Variants in BAZ1A observed in about 807,000 individuals in gnomAD.
The protein encoded by BAZ1A is bromodomain adjacent to zinc finger domain protein 1A.
Under a neutral mutation model 185.2 loss-of-function variants are expected in BAZ1A, and 50 were observed. That is an observed-to-expected ratio of 0.27 (90% confidence interval 0.22 to 0.34). The LOEUF is 0.34. Among genes scored for constraint, BAZ1A ranks in the 10% least tolerant of loss-of-function variants. The pLI is 1.00. For missense variants in BAZ1A, 1,356 were observed against 1,839.9 expected (o/e 0.74, Z 4.81); for synonymous variants, 571 against 615.6 (o/e 0.93, Z 1.07).
intron 7 of BAZ1A, 66 bp downstream of exon 7, chr14:34,802,788 A>G: frequency 6.6e-7 from 1 of 1,507,454 alleles, no homozygotes; most frequent in South Asian, 1.2e-5. Context: ...AGACAAACAT[A>G]CTTCTTGATT....
intron 4 of BAZ1A, among the ~76,000 whole-genome samples, chr14:34,819,488 C>T (rs2042055371): frequency 6.6e-6 from 1 of 152,184 alleles, no homozygotes; most frequent in South Asian, 2.1e-4. Flanking sequence ...TGTATATAGG[C>T]ATATACCCAT....
Position 34,764,701 on chromosome 14 carries a change from A to C in BAZ1A, c.3776+6T>G, listed in dbSNP as rs1434109713. 1 of 1,593,916 alleles carries C rather than the reference A, an allele frequency of 6.3e-7. No homozygotes were observed. The highest frequency in any genetic ancestry group is 8.6e-7 in the Non-Finnish European group (1 of 1,169,010). On this transcript the variant is annotated splice_donor_region_variant and intron_variant, in intron 23 of 26. Transcript: ENST00000360310. The stretch of plus-strand genomic sequence containing the variant: ...CTGACTCATTTTATTGCATGTTAGG[A>C]CTTACCTGACTTCTTCCTCTTCTTG...
intron 21 of BAZ1A, among the ~76,000 whole-genome samples, chr14:34,766,512 A>AAAGCCAGGACC (rs1167011271): frequency 6.9e-4 from 105 of 152,224 alleles, no homozygotes; most frequent in African/African-American, 2.3e-3. Context: ...CCCTCTCTAA[A>AAAGCCAGGACC]AAGCCAGGAC....
chr14:34,856,371 G>A (rs1166458581), intron 3 of BAZ1A, among the ~76,000 whole-genome samples: 1 of 116,888 alleles, frequency 8.6e-6, no homozygotes, highest in East Asian at 2.2e-4. Flanking sequence ...CTGCAGCCTA[G>A]AATTCCTGGG....
rs1460127033 is a variant in BAZ1A at position 34,866,314 on chromosome 14, T to C, written c.114-3992A>G. Reference sequence around the variant, plus strand: ...GCCTGGGTGACACGGCAAAACCCAGTCTCTACTAAAAACGGAAAAATTAGC... The same window carrying C: ...GCCTGGGTGACACGGCAAAACCCAGCCTCTACTAAAAACGGAAAAATTAGC... On this transcript the variant is annotated intron_variant, in intron 2 of 26. Coordinates refer to ENST00000360310, the MANE Select transcript of BAZ1A (RefSeq NM_013448.3). Among the ~76,000 whole-genome samples the C allele has an allele frequency of 2.0e-5, 3 of 150,128 alleles. No individual in the cohort carries two copies. In the East Asian group the frequency reaches 5.9e-4, roughly 30 times the overall value.
Position 34,774,281 on chromosome 14 carries a change from T to C in BAZ1A, c.2997+46A>G, listed in dbSNP as rs368829951. On this transcript the variant is annotated intron_variant, in intron 19 of 26. Transcript: ENST00000360310. ...TAATTAACAAATATGACCAAAATTC[T>C]GGACCAAGTAGATTAGACAAACTAA... 2.4e-5 allele frequency: 37 copies of C among 1,534,364 alleles called. No homozygotes were observed. In the African/African-American group the frequency reaches 4.4e-4, roughly 18 times the overall value.
intron 21 of BAZ1A, among the ~76,000 whole-genome samples, chr14:34,767,880 A>C (rs1232675810): frequency 6.6e-6 from 1 of 152,174 alleles, no homozygotes; most frequent in African/African-American, 2.4e-5. Flanking sequence ...TTTAATGCAA[A>C]GGTTGGTGAA....
At chr14:34,832,554 G>A (rs1192410847) in intron 3 of BAZ1A, among the ~76,000 whole-genome samples, 2 of 151,518 alleles carry the variant, frequency 1.3e-5, no homozygotes, top group Non-Finnish European at 2.9e-5. Flanking sequence ...CATGAAAGAT[G>A]CTCAGCATCA....
In BAZ1A at chr14:34,776,266, T is replaced by A. The variant is rs761032433; in HGVS notation, c.2486A>T (p.Tyr829Phe). ...SIPGLFIEED[Y>F]SGLTEDMLLP... Reference sequence around the variant, plus strand: ...CAGCATGTCTTCAGTAAGACCAGAATAATCCTCTTCAATAAAGAGTCCAGG... The same window carrying A: ...CAGCATGTCTTCAGTAAGACCAGAAAAATCCTCTTCAATAAAGAGTCCAGG... The change falls in exon 18 of 27, where the codon TAT (tyrosine) becomes TTT (phenylalanine). Residue 829 changes from tyrosine to phenylalanine, a missense_variant. Physicochemically the swap from Tyr to Phe is conservative, Grantham distance 22. This residue lies in a region of BAZ1A where 434 missense variants were observed against 561.7 expected (regional missense o/e 0.77). Transcript: ENST00000360310. 7 of 1,613,642 alleles carry A rather than the reference T, an allele frequency of 4.3e-6. No homozygotes were observed. In the African/African-American group the frequency reaches 9.3e-5, roughly 22 times the overall value.
At chr14:34,807,576 G>T in intron 5 of BAZ1A, 38 bp from the exon 6 acceptor site, 1 of 1,470,872 alleles carries the variant, frequency 6.8e-7, no homozygotes, top group Non-Finnish European at 9.4e-7. Flanking sequence ...GGTAGTGTTA[G>T]CATCAAAGAG....
chr14:34,806,531 C>A (rs1389390263), intron 6 of BAZ1A, among the ~76,000 whole-genome samples: 1 of 152,106 alleles, frequency 6.6e-6, no homozygotes, highest in African/African-American at 2.4e-5. Flanking sequence ...AGGCATGAGG[C>A]TCCATTCTAT....
At chr14:34,845,598 C>T (rs926850916) in intron 3 of BAZ1A, among the ~76,000 whole-genome samples, 15 of 151,972 alleles carry the variant, frequency 9.9e-5, no homozygotes, top group East Asian at 1.9e-4. Flanking sequence ...CAGTGGCTCA[C>T]GCCTGTAATC....
chr14:34,836,293 G>A (rs2042328759), intron 3 of BAZ1A, among the ~76,000 whole-genome samples: 1 of 65,228 alleles, frequency 1.5e-5, no homozygotes, highest in South Asian at 8.2e-4. Context: ...GCAGGAGAAT[G>A]GCGTGAACCC....
At position 34,797,753 on chromosome 14, in the gene BAZ1A, G is replaced by A. The variant is rs182109040; in HGVS notation, c.1129-1988C>T. The stretch of plus-strand genomic sequence containing the variant: ...TCCCAGCGTGATCAATGCAGAAGAC[G>A]GTGATTTCTGCATTTCCAACTGAGG... On this transcript the variant is annotated intron_variant, in intron 9 of 26. Coordinates refer to ENST00000360310, the MANE Select transcript of BAZ1A (RefSeq NM_013448.3). Among the ~76,000 whole-genome samples the A allele has an allele frequency of 8.5e-3, 1,297 of 152,278 alleles. 6 individuals carry two copies. The highest frequency in any genetic ancestry group is 0.013 in the Non-Finnish European group (903 of 68,016).
At chr14:34,782,457 A>G (rs761112585) in intron 16 of BAZ1A, among the ~76,000 whole-genome samples, 5 of 151,964 alleles carry the variant, frequency 3.3e-5, no homozygotes, top group African/African-American at 9.7e-5. Context: ...ATTTTTTGAC[A>G]TTTAAAAAAT....
At chr14:34,872,941 A>AACAAAAAAAAAAACAAC (rs1555346584) in intron 2 of BAZ1A, among the ~76,000 whole-genome samples, 4,250 of 122,518 alleles carry the variant, frequency 0.035, 201 homozygotes, top group Non-Finnish European at 0.055. Flanking sequence ...AAAAAAAAAA[A>AACAAAAAAAAAAACAAC]CTTGTCCAAT....
intron 4 of BAZ1A, among the ~76,000 whole-genome samples, chr14:34,817,096 C>T (rs1055599989): frequency 2.6e-5 from 4 of 152,142 alleles, no homozygotes; most frequent in Non-Finnish European, 5.9e-5. Context: ...CCCTAATCCT[C>T]TTTACCTCAA....
At chr14:34,843,838 CTTTCCT>C (rs2042456070) in intron 3 of BAZ1A, among the ~76,000 whole-genome samples, 1 of 152,164 alleles carries the variant, frequency 6.6e-6, no homozygotes. Context: ...TTATTTAACC[CTTTCCT>C]TTGTACCAGG....
rs186950720 is a variant in BAZ1A at position 34,860,035 on chromosome 14, A to C, written c.392+2009T>G. On this transcript the variant is annotated intron_variant, in intron 3 of 26. Coordinates refer to ENST00000360310, the MANE Select transcript of BAZ1A (RefSeq NM_013448.3). ...GTTTTTAGATAAAAATAACTAATAA[A>C]GTACTGTTCTCTTGTTCTTACAAGC... is the stretch of plus-strand genomic sequence containing the variant. Among the ~76,000 whole-genome samples the C allele has an allele frequency of 4.3e-3, 662 of 152,338 alleles. 7 individuals carry two copies. The highest frequency in any genetic ancestry group is 0.015 in the African/African-American group (635 of 41,572).
Sources: allele counts gnomAD v4.1 joint callset (sites outside exome capture counted in the v4.1 genomes callset), GRCh38; gene constraint gnomAD v4.1.1; regional missense constraint gnomAD v4.1.1; transcripts MANE v1.5; gene names NCBI Gene and HGNC (gene_info 2026-07-23, HGNC 2026-07-21).